The following MTCL2 variants were observed in gnomAD, a reference collection of about 807,000 sequenced individuals.
MTCL2 encodes microtubule crosslinking factor 2.
At chr20:36,789,459 C>A in the MTCL2 span, among the ~76,000 whole-genome samples, 1 of 151,980 alleles carries the variant, frequency 6.6e-6, no homozygotes, top group African/African-American at 2.4e-5. Context: ...ATTAGCAGTT[C>A]GAGACCAGCC....
At chr20:36,862,677 G>C in the MTCL2 span, 1 of 1,500,210 alleles carries the variant, frequency 6.7e-7, no homozygotes, top group Non-Finnish European at 8.9e-7. Flanking sequence ...GTCGTTCTCC[G>C]AGCGCAGCTC....
At chr20:36,801,691 C>T in the MTCL2 span, among the ~76,000 whole-genome samples, 807 of 152,216 alleles carry the variant, frequency 5.3e-3, 5 homozygotes, top group African/African-American at 0.017. Context: ...TAAGGCCAGG[C>T]GCGGTGGTTC....
At chr20:36,816,248 C>T in the MTCL2 span, 106 of 1,610,826 alleles carry the variant, frequency 6.6e-5, 1 homozygote, top group Middle Eastern at 1.2e-3. Context: ...GCTTCTTGCA[C>T]ATGAGGGCTG....
At chr20:36,791,477 A>G in the MTCL2 span, among the ~76,000 whole-genome samples, 2 of 152,224 alleles carry the variant, frequency 1.3e-5, no homozygotes, top group African/African-American at 4.8e-5. Flanking sequence ...ACCTAAACGT[A>G]CAATAATAGA....
chr20:36,812,522 T>C, the MTCL2 span, among the ~76,000 whole-genome samples: 19 of 152,194 alleles, frequency 1.2e-4, no homozygotes, highest in Non-Finnish European at 2.4e-4. Context: ...GATCAGGCCA[T>C]GAGAATGTCC....
chr20:36,807,401 G>T, the MTCL2 span, among the ~76,000 whole-genome samples: 1 of 152,188 alleles, frequency 6.6e-6, no homozygotes, highest in African/African-American at 2.4e-5. Context: ...TGGACTAGAG[G>T]AGGGCCAAGC....
chr20:36,858,311 A>AACAC, the MTCL2 span, among the ~76,000 whole-genome samples: 1,404 of 31,832 alleles, frequency 0.044, 321 homozygotes, highest in African/African-American at 0.064. Flanking sequence ...AAGGAGGGAA[A>AACAC]ACACACACAC....
At chr20:36,821,670 A>T in the MTCL2 span, among the ~76,000 whole-genome samples, 1 of 152,228 alleles carries the variant, frequency 6.6e-6, no homozygotes, top group Non-Finnish European at 1.5e-5. Flanking sequence ...TTGAGCCAAG[A>T]TCACGTCCCT....
the MTCL2 span, chr20:36,796,796 T>G: frequency 7.6e-7 from 1 of 1,320,774 alleles, no homozygotes. Flanking sequence ...GCAGGTAGAG[T>G]GGGTGCAGGG....
chr20:36,779,315 T>C, the MTCL2 span: 2 of 152,404 alleles, frequency 1.3e-5, no homozygotes, highest in Admixed American at 6.5e-5. Context: ...GGATACTGAA[T>C]GGACAAAGAG....
the MTCL2 span, among the ~76,000 whole-genome samples, chr20:36,841,762 A>G: frequency 6.6e-6 from 1 of 151,830 alleles, no homozygotes; most frequent in Non-Finnish European, 1.5e-5. Context: ...GCGGTGGCAA[A>G]ATCTCAGCTC....
the MTCL2 span, among the ~76,000 whole-genome samples, chr20:36,842,620 A>G: frequency 6.6e-6 from 1 of 152,156 alleles, no homozygotes; most frequent in Non-Finnish European, 1.5e-5. Flanking sequence ...AAAAATACAA[A>G]AATTAGCCAG....
chr20:36,832,775 G>A, the MTCL2 span, among the ~76,000 whole-genome samples: 17 of 152,126 alleles, frequency 1.1e-4, no homozygotes, highest in Admixed American at 9.8e-4. Context: ...CCCAGGAGAC[G>A]GAGGTTGCAG....
At chr20:36,808,861 C>G in the MTCL2 span, 6 of 836,494 alleles carry the variant, frequency 7.2e-6, no homozygotes, top group Non-Finnish European at 1.1e-5. Context: ...GTGATCCCTG[C>G]CGGGGATCCC....
chr20:36,841,874 G>GGGGT, the MTCL2 span, among the ~76,000 whole-genome samples: 3,327 of 110,836 alleles, frequency 0.03, 125 homozygotes, highest in African/African-American at 0.089. Context: ...TGGGGGGTGG[G>GGGGT]GTGTGTGTGT....
the MTCL2 span, among the ~76,000 whole-genome samples, chr20:36,816,613 G>A: frequency 6.6e-6 from 1 of 152,224 alleles, no homozygotes; most frequent in African/African-American, 2.4e-5. Context: ...AGCCACAGAC[G>A]GGATTAAATG....
chr20:36,812,549 C>T, the MTCL2 span, among the ~76,000 whole-genome samples: 8 of 152,184 alleles, frequency 5.3e-5, no homozygotes, highest in South Asian at 1.7e-3. Flanking sequence ...TCCTTATTTC[C>T]CTTCTGGCCT....
the MTCL2 span, chr20:36,862,868 C>A: frequency 2.4e-6 from 3 of 1,228,536 alleles, no homozygotes; most frequent in African/African-American, 4.8e-5. Flanking sequence ...CGGGCTGGGC[C>A]GGCTGCCCCG....
chr20:36,841,493 G>A, the MTCL2 span, among the ~76,000 whole-genome samples: 556 of 152,136 alleles, frequency 3.7e-3, 4 homozygotes, highest in Non-Finnish European at 5.7e-3. Flanking sequence ...AGACAAGAAG[G>A]AACAGCCGAG....
Sources: allele counts gnomAD v4.1 joint callset (sites outside exome capture counted in the v4.1 genomes callset), GRCh38; gene constraint gnomAD v4.1.1; transcripts MANE v1.5; gene names NCBI Gene and HGNC (gene_info 2026-07-23, HGNC 2026-07-21).